Variants in ASTN2 observed in about 807,000 individuals in gnomAD.
ASTN2 encodes the protein astrotactin 2.
Under a neutral mutation model 139.8 loss-of-function variants are expected in ASTN2, and 54 were observed. That is an observed-to-expected ratio of 0.39 (90% CI 0.31 to 0.48). The LOEUF is 0.48. Ranked by LOEUF, ASTN2 falls within the 20% of genes least tolerant of loss-of-function variation. The pLI is 0.95. For missense variants in ASTN2, 1,565 were observed against 1,725.1 expected (o/e 0.91, Z 1.64); for synonymous variants, 756 against 719.5 (o/e 1.05, Z -0.81).
intron 13 of ASTN2, among the ~76,000 whole-genome samples, chr9:116,800,451 T>A (rs1219957242): frequency 2.6e-5 from 4 of 152,180 alleles, no homozygotes; most frequent in African/African-American, 9.7e-5. Context: ...TCAGGAAATA[T>A]CACCACATGC....
In ASTN2 at chr9:116,698,072, A is replaced by C; in HGVS notation, c.2806+27699T>G. 6.2e-7 allele frequency: 1 copy of C among 1,614,084 alleles called. No individual in the cohort carries two copies. The highest frequency in any genetic ancestry group is 1.7e-5 in the Admixed American group (1 of 60,028). Reference sequence around the variant, plus strand: ...CCTGTGGGCGGCGTCTGCCCCGGCAATTCTGCCGGAGCTGTGGTTTGGTGT... The same window carrying C: ...CCTGTGGGCGGCGTCTGCCCCGGCACTTCTGCCGGAGCTGTGGTTTGGTGT... On this transcript the variant is annotated intron_variant, in intron 16 of 22. Transcript: ENST00000313400. This position sits in a 1 kb window ranked among gnomAD's most constrained non-coding sequence, Gnocchi z 4.4.
chr9:117,088,326 C>T (rs959868518), intron 5 of ASTN2, among the ~76,000 whole-genome samples: 1 of 152,214 alleles, frequency 6.6e-6, no homozygotes, highest in Non-Finnish European at 1.5e-5. Flanking sequence ...CACACCTTGG[C>T]AGGTACTCTT....
In ASTN2 at chr9:117,214,275, G is replaced by T. The variant is rs1410549044; in HGVS notation, c.1015+83C>A. 3 of 1,477,718 alleles carry T rather than the reference G, an allele frequency of 2.0e-6. No homozygotes were observed. The South Asian group carries it at 4.3e-5, about 21-fold the overall frequency. The allele number at this position is 1,477,718 out of a possible 1,614,324, so 91.5% of individuals were successfully genotyped here. On this transcript the variant is annotated intron_variant, in intron 3 of 22. Coordinates refer to ENST00000313400, the MANE Select transcript of ASTN2 (RefSeq NM_001365068.1). The stretch of plus-strand genomic sequence containing the variant: ...CTTATCCCAGAAAACACTGCCTGTA[G>T]TCCCCAACTGCCCAGCTTCTGCACC...
chr9:116,641,612 T>C (rs1857332731), intron 17 of ASTN2, among the ~76,000 whole-genome samples: 1 of 152,198 alleles, frequency 6.6e-6, no homozygotes, highest in Non-Finnish European at 1.5e-5. Context: ...TCTTTTTTTA[T>C]TGCATGTAAT....
intron 5 of ASTN2, among the ~76,000 whole-genome samples, chr9:117,077,753 C>T (rs547414264): frequency 6.6e-6 from 1 of 151,886 alleles, no homozygotes; most frequent in African/African-American, 2.4e-5. Flanking sequence ...GTCTAAATAA[C>T]AACAACAACA....
intron 7 of ASTN2, among the ~76,000 whole-genome samples, chr9:116,983,262 C>T (rs573631331): frequency 1.1e-4 from 17 of 152,308 alleles, no homozygotes; most frequent in African/African-American, 1.7e-4. Flanking sequence ...TAACTCAACT[C>T]AGGGCCAGGC....
intron 13 of ASTN2, among the ~76,000 whole-genome samples, chr9:116,754,278 C>T (rs1829480319): frequency 6.6e-6 from 1 of 152,118 alleles, no homozygotes; most frequent in African/African-American, 2.4e-5. Flanking sequence ...CATACGTGTG[C>T]ATGTGTCTTT....
intron 2 of ASTN2, among the ~76,000 whole-genome samples, chr9:117,227,097 T>A (rs1398673724): frequency 6.6e-6 from 1 of 151,978 alleles, no homozygotes; most frequent in East Asian, 1.9e-4. Flanking sequence ...TCTTTAGAAA[T>A]CATGGGTGGG....
chr9:117,405,947 G>A (rs181778574), intron 1 of ASTN2, among the ~76,000 whole-genome samples: 6 of 152,314 alleles, frequency 3.9e-5, no homozygotes, highest in Admixed American at 2.0e-4. Context: ...CAATGGCTAT[G>A]GGTGCTTAGA....
intron 16 of ASTN2, among the ~76,000 whole-genome samples, chr9:116,667,629 T>C (rs1858946786): frequency 6.6e-6 from 1 of 152,152 alleles, no homozygotes; most frequent in Admixed American, 6.6e-5. Flanking sequence ...TTACACAAAA[T>C]TGAAAAGGAA....
intron 10 of ASTN2, among the ~76,000 whole-genome samples, chr9:116,951,622 T>C (rs1040339562): frequency 1.3e-5 from 2 of 152,068 alleles, no homozygotes; most frequent in Non-Finnish European, 2.9e-5. Context: ...AGCCACACTC[T>C]AGAGATGAGT....
At chr9:116,749,099 C>T in intron 13 of ASTN2, among the ~76,000 whole-genome samples, 1 of 152,098 alleles carries the variant, frequency 6.6e-6, no homozygotes, top group Non-Finnish European at 1.5e-5. Context: ...GTTTCCTCAT[C>T]AGAAAAATGG....
chr9:117,213,455 C>T (rs1832207565), intron 3 of ASTN2, among the ~76,000 whole-genome samples: 2 of 151,962 alleles, frequency 1.3e-5, no homozygotes, highest in African/African-American at 4.8e-5. Flanking sequence ...TTGAACATTC[C>T]CAATGCAAAG....
intron 2 of ASTN2, among the ~76,000 whole-genome samples, chr9:117,230,015 TAAAAATAA>T (rs1832839618): frequency 6.7e-6 from 1 of 148,406 alleles, no homozygotes; most frequent in Non-Finnish European, 1.5e-5. Context: ...CTACAAAAAA[TAAAAATAA>T]AAAAAGGCAT....
chr9:116,500,879 C>T (rs1455086819), intron 19 of ASTN2, among the ~76,000 whole-genome samples: 3 of 152,150 alleles, frequency 2.0e-5, no homozygotes, highest in Non-Finnish European at 4.4e-5. Context: ...TCATGAAACA[C>T]TTTGTGTGGT....
intron 2 of ASTN2, among the ~76,000 whole-genome samples, chr9:117,271,405 G>A (rs1441382261): frequency 6.6e-6 from 1 of 152,168 alleles, no homozygotes; most frequent in Admixed American, 6.5e-5. Context: ...AATTCAAGTT[G>A]AGATTTGGGT....
intron 20 of ASTN2, among the ~76,000 whole-genome samples, chr9:116,463,910 T>TTTTTG (rs758901242): frequency 2.1e-5 from 3 of 143,910 alleles, no homozygotes; most frequent in East Asian, 2.0e-4. Context: ...AGTTTTGTGT[T>TTTTTG]TTTTTTTTTT....
Position 117,212,331 on chromosome 9 carries a change from T to C in ASTN2, c.1015+2027A>G, listed in dbSNP as rs542195480. Among the ~76,000 whole-genome samples, 12 of 150,848 alleles carry C rather than the reference T, an allele frequency of 8.0e-5. No homozygotes were observed. In the South Asian group the frequency reaches 8.4e-4, roughly 11 times the overall value. ...ATTAGAAGAAAACAGGGGAAACACT[T>C]CAAGACATTGGTCTGAAAAAAGATT... is the stretch of plus-strand genomic sequence containing the variant. On this transcript the variant is annotated intron_variant, in intron 3 of 22. Transcript: ENST00000313400.
intron 1 of ASTN2, among the ~76,000 whole-genome samples, chr9:117,372,816 G>A (rs1300824352): frequency 1.3e-5 from 2 of 152,072 alleles, no homozygotes; most frequent in Admixed American, 6.6e-5. Flanking sequence ...TGGCTGCAGG[G>A]AGGAATCCTT....
Sources: allele counts gnomAD v4.1 joint callset (sites outside exome capture counted in the v4.1 genomes callset), GRCh38; gene constraint gnomAD v4.1.1; non-coding constraint Gnocchi (gnomAD v3.1); transcripts MANE v1.5; gene names NCBI Gene and HGNC (gene_info 2026-07-23, HGNC 2026-07-21).